The following GBE1 variants were observed in gnomAD, a reference collection of about 807,000 sequenced individuals.
GBE1 encodes the protein 1,4-alpha-glucan branching enzyme 1.
In GBE1, 70 loss-of-function variants were observed where a neutral mutation model predicts 88.8. That is an observed-to-expected ratio of 0.79 (90% CI 0.65 to 0.96). The LOEUF is 0.96. Among genes scored for constraint, GBE1 ranks in the 40% least tolerant of loss-of-function variants. The probability of loss-of-function intolerance (pLI) is 0.00; values close to 1 mark genes in which losing one functional copy is unlikely to be tolerated. For missense variants in GBE1, 872 were observed against 871.0 expected (o/e 1.00, Z -0.01); for synonymous variants, 284 against 300.1 (o/e 0.95, Z 0.56).
chr3:81,504,151 C>G (rs1702624968), intron 14 of GBE1, among the ~76,000 whole-genome samples: 1 of 152,140 alleles, frequency 6.6e-6, no homozygotes. Flanking sequence ...CAGGCCCCAC[C>G]TCCAACACTG....
At chr3:81,686,402 A>AC (rs1705440634) in intron 2 of GBE1, among the ~76,000 whole-genome samples, 3 of 152,148 alleles carry the variant, frequency 2.0e-5, no homozygotes, top group Non-Finnish European at 2.9e-5. Context: ...ATCTACCATT[A>AC]TTTTTGTTTC....
At chr3:81,540,628 G>A (rs1243884304) in intron 12 of GBE1, among the ~76,000 whole-genome samples, 2 of 152,066 alleles carry the variant, frequency 1.3e-5, no homozygotes, top group Non-Finnish European at 2.9e-5. Flanking sequence ...TTTCTTTAAA[G>A]TGCTGAAGTT....
intron 14 of GBE1, among the ~76,000 whole-genome samples, chr3:81,528,313 C>G (rs1702973040): frequency 6.6e-6 from 1 of 151,780 alleles, no homozygotes; most frequent in African/African-American, 2.4e-5. Context: ...CAACATGGCA[C>G]ATGTATACAT....
chr3:81,706,818 T>C (rs1705781576), intron 1 of GBE1, among the ~76,000 whole-genome samples: 1 of 151,240 alleles, frequency 6.6e-6, no homozygotes, highest in Non-Finnish European at 1.5e-5. Flanking sequence ...CTTAAGGAAA[T>C]AAATGGAGGA....
At chr3:81,689,701 C>G (rs1268863691) in intron 2 of GBE1, among the ~76,000 whole-genome samples, 1 of 152,186 alleles carries the variant, frequency 6.6e-6, no homozygotes, top group Non-Finnish European at 1.5e-5. Flanking sequence ...CTTCCAGCCT[C>G]TCTTGATCAT....
intron 2 of GBE1, among the ~76,000 whole-genome samples, chr3:81,676,017 T>C (rs562330951): frequency 3.6e-4 from 55 of 152,280 alleles, no homozygotes; most frequent in African/African-American, 1.3e-3. Flanking sequence ...ATAGTAAATA[T>C]ATTTTCTGTT....
Position 81,761,460 on chromosome 3 carries a change from C to A in GBE1, c.58G>T (p.Ala20Ser). The A allele has an allele frequency of 6.2e-7, 1 of 1,613,522 alleles. No homozygotes were observed. Among genetic ancestry groups the A allele is most frequent in the Non-Finnish European group, 8.5e-7 (1 of 1,179,708 alleles). Reference sequence around the variant, plus strand: ...AGTTCGGGCACGTCAGCCAGGGCGGCATTGAGCGCCGCCTCGTAGTCCTCG... The same window carrying A: ...AGTTCGGGCACGTCAGCCAGGGCGGAATTGAGCGCCGCCTCGTAGTCCTCG... ...RPEDYEAALN[A>S]ALADVPELAR... Residue 20 changes from alanine to serine, a missense_variant, in exon 1 of 16, where the codon GCC becomes TCC. By Grantham distance (99) the Ala-to-Ser change is moderately conservative. Transcript: ENST00000429644.
At chr3:81,607,924 C>T (rs748194200) in intron 7 of GBE1, among the ~76,000 whole-genome samples, 172 of 152,114 alleles carry the variant, frequency 1.1e-3, no homozygotes, top group Non-Finnish European at 1.3e-3. Context: ...TATCGTAGGA[C>T]AGCATAAAAA....
At chr3:81,759,634 A>G (rs972411601) in intron 1 of GBE1, among the ~76,000 whole-genome samples, 1 of 152,212 alleles carries the variant, frequency 6.6e-6, no homozygotes, top group Admixed American at 6.5e-5. Flanking sequence ...CAAAAGTAAA[A>G]TCCGGGTCAG....
At chr3:81,614,506 G>A (rs749002460) in intron 7 of GBE1, among the ~76,000 whole-genome samples, 22 of 152,246 alleles carry the variant, frequency 1.4e-4, no homozygotes, top group Middle Eastern at 6.8e-3. Context: ...GGAGGCCAAG[G>A]CGGGGGCTGG....
Position 81,761,545 on chromosome 3 carries a change from C to A in GBE1, c.-28G>T, listed in dbSNP as rs368460254. ...TCCGCCGCAGTCCAAGTAGCCGAGGCCCGAGAGGTCGAGTGGGGCCTGAGC... is the reference window on the plus strand; with the variant it reads ...TCCGCCGCAGTCCAAGTAGCCGAGGACCGAGAGGTCGAGTGGGGCCTGAGC... On this transcript the variant is annotated 5_prime_UTR_variant, in exon 1 of 16. Coordinates refer to ENST00000429644, the MANE Select transcript of GBE1 (RefSeq NM_000158.4). 1,487 of 1,446,922 alleles carry A rather than the reference C, an allele frequency of 1.0e-3. 8 individuals carry two copies. In the African/African-American group the frequency reaches 0.04, roughly 39 times the overall value. 89.6% of individuals were successfully genotyped at this position (1,446,922 alleles called of 1,614,324 possible). A position where few individuals can be genotyped will look rare whatever the true frequency, so the allele number is the denominator to read the frequency against.
At chr3:81,559,060 A>AT (rs1245809724) in intron 12 of GBE1, among the ~76,000 whole-genome samples, 22 of 151,866 alleles carry the variant, frequency 1.4e-4, no homozygotes, top group Non-Finnish European at 1.3e-4. Flanking sequence ...GTCATAGAAA[A>AT]TTTTTTTTCA....
intron 1 of GBE1, among the ~76,000 whole-genome samples, chr3:81,732,029 TAACA>T (rs144406994): frequency 0.028 from 4,185 of 152,102 alleles, 84 homozygotes; most frequent in Non-Finnish European, 0.039. Context: ...AACAAAACAA[TAACA>T]AACAAAAACT....
chr3:81,714,251 C>T lies in GBE1; in HGVS notation c.144-8638G>A, dbSNP rs551529991. 3.9e-5 allele frequency among the ~76,000 whole-genome samples: 6 copies of T among 152,238 alleles called. No individual in the cohort carries two copies. In the South Asian group the frequency reaches 8.3e-4, roughly 21 times the overall value. ...GTGAGCACCAATTATCCATCAGATT[C>T]TTTCAATGGTGAGAAAATGGTTAGA... On this transcript the variant is annotated intron_variant, in intron 1 of 15. Transcript: ENST00000429644.
chr3:81,729,698 C>T (rs1485973409), intron 1 of GBE1, among the ~76,000 whole-genome samples: 1 of 152,060 alleles, frequency 6.6e-6, no homozygotes, highest in Non-Finnish European at 1.5e-5. Flanking sequence ...CACTGATGGT[C>T]AATTCAGTGG....
rs756121951 is a variant in GBE1 at position 81,722,896 on chromosome 3, G to GTGTATATATA, written c.144-17284_144-17283insTATATATACA. On this transcript the variant is annotated intron_variant, in intron 1 of 15. Transcript: ENST00000429644. Reference sequence around the variant, plus strand: ...CACACACACGTGTGTGTGTGTGTGTGTATATATATATATATATATACACAC... The same window carrying GTGTATATATA: ...CACACACACGTGTGTGTGTGTGTGTGTGTATATATATATATATATATATATATATACACAC... Among the ~76,000 whole-genome samples the GTGTATATATA allele has an allele frequency of 4.5e-3, 614 of 135,282 alleles. 6 individuals are homozygous for GTGTATATATA. Among genetic ancestry groups the GTGTATATATA allele is most frequent in the African/African-American group, 0.016 (584 of 36,368 alleles). The allele number at this position is 135,282 out of a possible 152,430, so 88.8% of individuals were successfully genotyped here.
chr3:81,556,139 C>T (rs1703345253), intron 12 of GBE1, among the ~76,000 whole-genome samples: 1 of 145,198 alleles, frequency 6.9e-6, no homozygotes, highest in African/African-American at 2.6e-5. Flanking sequence ...AAGTAAATTT[C>T]CAAGCTTCCA....
chr3:81,752,931 T>C (rs1415248327), intron 1 of GBE1, among the ~76,000 whole-genome samples: 1 of 152,210 alleles, frequency 6.6e-6, no homozygotes, highest in Non-Finnish European at 1.5e-5. Context: ...TATATTAGTT[T>C]GCTAATAATA....
chr3:81,583,599 T>C (rs1396253766), intron 10 of GBE1, among the ~76,000 whole-genome samples: 1 of 152,094 alleles, frequency 6.6e-6, no homozygotes. Context: ...GAGGTTTTCT[T>C]GGATAAATCT....
Sources: allele counts gnomAD v4.1 joint callset (sites outside exome capture counted in the v4.1 genomes callset), GRCh38; gene constraint gnomAD v4.1.1; transcripts MANE v1.5; gene names NCBI Gene and HGNC (gene_info 2026-07-23, HGNC 2026-07-21).